Variants in ABCB11 observed in about 807,000 individuals in gnomAD.
ABCB11 encodes ATP binding cassette subfamily B member 11, also known as bile salt export pump.
ABCB11 carries 95 observed loss-of-function variants against 148.0 expected under a neutral mutation model. That is an observed-to-expected ratio of 0.64 (90% CI 0.54 to 0.76). ABCB11 has a LOEUF of 0.76. Ranked by LOEUF, ABCB11 falls within the 30% of genes least tolerant of loss-of-function variation. The pLI, the probability that ABCB11 is intolerant of heterozygous loss-of-function variation, is 0.00. For synonymous variants in ABCB11, 591 were observed against 555.4 expected, an observed-to-expected ratio of 1.06 and a Z score of -0.90; for missense variants, 1,523 against 1,617.8, an observed-to-expected ratio of 0.94 and a Z score of 1.01.
chr2:168,926,203 G>A (rs1035169177), intron 26 of ABCB11, among the ~76,000 whole-genome samples: 92 of 152,248 alleles, frequency 6.0e-4, no homozygotes, highest in African/African-American at 2.1e-3. Flanking sequence ...AAAACTAAGA[G>A]GGACTTTTGG....
chr2:168,929,568 A>C (rs997708135), intron 25 of ABCB11, among the ~76,000 whole-genome samples: 1 of 152,258 alleles, frequency 6.6e-6, no homozygotes, highest in African/African-American at 2.4e-5. Context: ...AGATAATGTT[A>C]TAAACAGAAT....
chr2:168,939,035 T>C (rs1250648965), intron 21 of ABCB11, among the ~76,000 whole-genome samples: 1 of 152,082 alleles, frequency 6.6e-6, no homozygotes, highest in Non-Finnish European at 1.5e-5. Flanking sequence ...AAAAAATAGC[T>C]GTGCAATATT....
chr2:168,983,358 G>A (rs572160945), intron 10 of ABCB11, among the ~76,000 whole-genome samples: 2 of 152,248 alleles, frequency 1.3e-5, no homozygotes, highest in Middle Eastern at 3.4e-3. Context: ...GATCAATAAA[G>A]ACAAGGGACT....
chr2:168,960,884 C>A (rs763365385), intron 18 of ABCB11, among the ~76,000 whole-genome samples: 6 of 151,744 alleles, frequency 4.0e-5, no homozygotes, highest in Non-Finnish European at 7.4e-5. Flanking sequence ...AAATTAACAA[C>A]AAATCTCACA....
At chr2:168,977,768 A>G (rs1283194856) in intron 11 of ABCB11, among the ~76,000 whole-genome samples, 1 of 152,274 alleles carries the variant, frequency 6.6e-6, no homozygotes, top group Admixed American at 6.5e-5. Flanking sequence ...GTGGCAGGAG[A>G]GAGCGCATAG....
At chr2:169,017,667 C>T (rs1245026566) in intron 2 of ABCB11, among the ~76,000 whole-genome samples, 1 of 152,140 alleles carries the variant, frequency 6.6e-6, no homozygotes, top group Non-Finnish European at 1.5e-5. Context: ...GCCCCCTCCA[C>T]ATGATCTCAT....
intron 1 of ABCB11, among the ~76,000 whole-genome samples, chr2:169,018,755 G>T (rs1292850519): frequency 6.6e-6 from 1 of 152,098 alleles, no homozygotes; most frequent in Non-Finnish European, 1.5e-5. Context: ...AGAATTCCAG[G>T]ATATAGACAC....
chr2:168,960,562 G>A (rs1693024279), intron 18 of ABCB11, among the ~76,000 whole-genome samples: 1 of 151,658 alleles, frequency 6.6e-6, no homozygotes, highest in Non-Finnish European at 1.5e-5. Flanking sequence ...TTCTTGTCTA[G>A]TGGTTTTCAT....
rs1691773192 is a variant in ABCB11 at position 168,935,399 on chromosome 2, G to C, written c.2841C>G (p.Ile947Met). ...GQITNEALSN[I>M]RTVAGIGKER... ...CCTTTCCAATTCCAGCAACAGTGCG[G>C]ATGTTACTGAGGGCTTCATTTGTAA... is the stretch of plus-strand genomic sequence containing the variant. The change falls in exon 23 of 28, where the codon ATC becomes ATG. Residue 947 changes from isoleucine to methionine, a missense_variant. Transcript: ENST00000650372. 1 of 1,613,704 alleles carries C rather than the reference G, an allele frequency of 6.2e-7. No individual in the cohort carries two copies.
chr2:168,988,108 C>A (rs983542551), intron 9 of ABCB11, among the ~76,000 whole-genome samples: 1 of 152,112 alleles, frequency 6.6e-6, no homozygotes, highest in Non-Finnish European at 1.5e-5. Flanking sequence ...ACTTTATAAA[C>A]TGCCTCTTAA....
chr2:169,018,277 T>G, intron 1 of ABCB11, 125 bp from the exon 2 acceptor site: 1 of 839,348 alleles, frequency 1.2e-6, no homozygotes, highest in East Asian at 2.7e-5. Context: ...CAGACAAAAG[T>G]TTTAAAATCG....
intron 8 of ABCB11, among the ~76,000 whole-genome samples, chr2:168,992,960 G>A (rs73020755): frequency 0.03 from 4,595 of 151,910 alleles, 108 homozygotes; most frequent in African/African-American, 0.063. Flanking sequence ...ATTCCATAAC[G>A]TGCTATCTAA....
intron 13 of ABCB11, among the ~76,000 whole-genome samples, 156 bp downstream of exon 13, chr2:168,973,559 T>A (rs1431396979): frequency 6.6e-6 from 1 of 152,074 alleles, no homozygotes; most frequent in Non-Finnish European, 1.5e-5. Flanking sequence ...TGTTACCATG[T>A]AGGAAGCGTG....
chr2:168,989,384 C>A (rs1694436736), intron 9 of ABCB11, among the ~76,000 whole-genome samples: 1 of 152,038 alleles, frequency 6.6e-6, no homozygotes, highest in Non-Finnish European at 1.5e-5. Flanking sequence ...AAGAGACTGC[C>A]CTTTCCTCAT....
chr2:168,923,244 C>G lies in ABCB11; in HGVS notation c.*378G>C. The G allele has an allele frequency of 4.3e-6, 1 of 233,440 alleles. No homozygotes were observed. Among genetic ancestry groups the G allele is most frequent in the Non-Finnish European group, 8.4e-6 (1 of 119,220 alleles). The allele number at this position is 233,440 out of a possible 1,614,324, so 14.5% of individuals were successfully genotyped here. A position where few individuals can be genotyped will look rare whatever the true frequency, so the allele number is the denominator to read the frequency against. On this transcript the variant is annotated 3_prime_UTR_variant, in exon 28 of 28. Transcript: ENST00000650372. ...ACACCGAGGGTTCAAAAATGAAAGA[C>G]AGTTCTCTGCCCTTGAGGAGTTCAA...
intron 1 of ABCB11, among the ~76,000 whole-genome samples, chr2:169,027,946 A>G (rs1172582635): frequency 6.6e-6 from 1 of 152,156 alleles, no homozygotes; most frequent in Non-Finnish European, 1.5e-5. Context: ...GTGTCTCCAG[A>G]GCTGAATCCT....
At chr2:168,942,984 C>T (rs929646104) in intron 21 of ABCB11, among the ~76,000 whole-genome samples, 1 of 151,900 alleles carries the variant, frequency 6.6e-6, no homozygotes, top group Non-Finnish European at 1.5e-5. Context: ...AAATCTACCT[C>T]ACACTAATCT....
intron 19 of ABCB11, among the ~76,000 whole-genome samples, chr2:168,956,408 T>C (rs557252312): frequency 4.5e-4 from 68 of 151,856 alleles, no homozygotes; most frequent in African/African-American, 1.6e-3. Flanking sequence ...GTTTCCTATG[T>C]TCTTCCATTG....
intron 19 of ABCB11, among the ~76,000 whole-genome samples, chr2:168,946,134 A>T (rs1692294154): frequency 6.6e-6 from 1 of 151,950 alleles, no homozygotes; most frequent in Non-Finnish European, 1.5e-5. Context: ...TGCATAACAG[A>T]ACCTTTGTAA....
Sources: allele counts gnomAD v4.1 joint callset (sites outside exome capture counted in the v4.1 genomes callset), GRCh38; gene constraint gnomAD v4.1.1; transcripts MANE v1.5; gene names NCBI Gene and HGNC (gene_info 2026-07-23, HGNC 2026-07-21).